The following PLEKHG1 variants were observed in gnomAD, a reference collection of about 807,000 sequenced individuals.
PLEKHG1 encodes pleckstrin homology and RhoGEF domain containing G1.
Under a neutral mutation model 100.8 loss-of-function variants are expected in PLEKHG1, and 44 were observed. The ratio of observed to expected loss-of-function variants is 0.44; its 90% CI spans 0.34 to 0.56. The LOEUF (loss-of-function observed/expected upper bound fraction) is 0.56, where lower values mean the gene tolerates loss of function less well. Among genes scored for constraint, PLEKHG1 ranks in the 20% least tolerant of loss-of-function variants. PLEKHG1 has a pLI of 0.01. For missense variants in PLEKHG1, 1,545 were observed against 1,720.9 expected (o/e 0.90, Z 1.81); for synonymous variants, 640 against 662.5 (o/e 0.97, Z 0.52).
intron 2 of PLEKHG1, among the ~76,000 whole-genome samples, chr6:150,736,027 T>G (rs1782542058): frequency 6.6e-6 from 1 of 152,156 alleles, no homozygotes; most frequent in South Asian, 2.1e-4. Flanking sequence ...TGTTTTACAC[T>G]AGGGGTTGGT....
intron 3 of PLEKHG1, among the ~76,000 whole-genome samples, chr6:150,774,869 T>A (rs1784883052): frequency 6.6e-6 from 1 of 151,980 alleles, no homozygotes; most frequent in Non-Finnish European, 1.5e-5. Flanking sequence ...TAAAAATTCT[T>A]TTTTAAAATT....
intron 3 of PLEKHG1, among the ~76,000 whole-genome samples, chr6:150,774,171 A>G (rs980996937): frequency 2.6e-5 from 4 of 152,096 alleles, no homozygotes; most frequent in Admixed American, 6.5e-5. Context: ...CAGTTCTTCT[A>G]CCCTTTATTA....
intron 1 of PLEKHG1, among the ~76,000 whole-genome samples, chr6:150,601,807 A>T (rs1776370325): frequency 1.3e-5 from 2 of 152,194 alleles, no homozygotes; most frequent in Admixed American, 6.5e-5. Flanking sequence ...ATCAGATGCC[A>T]GATAACTGCC....
intron 5 of PLEKHG1, among the ~76,000 whole-genome samples, chr6:150,797,766 C>T (rs557717232): frequency 3.0e-5 from 4 of 131,370 alleles, no homozygotes; most frequent in South Asian, 2.5e-4. Context: ...ACCCAGGAGG[C>T]GGAGGTTGCA....
chr6:150,629,051 G>A (rs1444404884), intron 1 of PLEKHG1, among the ~76,000 whole-genome samples: 1 of 152,214 alleles, frequency 6.6e-6, no homozygotes, highest in Non-Finnish European at 1.5e-5. Context: ...CAGCCATGGA[G>A]CCTGTTTGGG....
chr6:150,831,277 A>T lies in PLEKHG1; in HGVS notation c.2166A>T (p.Ser722=). 6.2e-7 allele frequency: 1 copy of T among 1,613,540 alleles called. No homozygotes were observed. The highest frequency in any genetic ancestry group is 8.5e-7 in the Non-Finnish European group (1 of 1,179,456). The change falls in exon 15 of 16, where the codon TCA becomes TCT. Residue 722 remains serine (S), a synonymous_variant. Coordinates refer to ENST00000358517, the Ensembl canonical transcript of PLEKHG1. This position sits in a 1 kb window ranked among gnomAD's most constrained non-coding sequence, Gnocchi z 4.1. ...ACGCACAAACAGATGGCACCCTCTCAGGTGGAGAGGCATCCAGCCAAAGCA... is the reference window on the plus strand; with the variant it reads ...ACGCACAAACAGATGGCACCCTCTCTGGTGGAGAGGCATCCAGCCAAAGCA...
chr6:150,653,810 A>G (rs1778849452), intron 3 of PLEKHG1, among the ~76,000 whole-genome samples: 1 of 152,196 alleles, frequency 6.6e-6, no homozygotes, highest in African/African-American at 2.4e-5. Flanking sequence ...GAGTCCATAG[A>G]TATGTCTGCT....
chr6:150,831,342 C>T lies in PLEKHG1; in HGVS notation c.2231C>T (p.Thr744Ile), dbSNP rs766675822. The T allele has an allele frequency of 2.5e-6, 4 of 1,614,082 alleles. No homozygotes were observed. The highest frequency in any genetic ancestry group is 2.2e-5 in the East Asian group (1 of 44,866). ...GCGGTTGAGGAGAACATCTATGACA[C>T]CATAGGGCTCCCAGATCCTCCGTCG... Residue 744 changes from threonine (T) to isoleucine (I), a missense_variant, in exon 15 of 16, where the codon ACC becomes ATC. By Grantham distance (89) the Thr-to-Ile change is moderately conservative. Transcript: ENST00000358517. The surrounding 1 kb of genome is among the most constrained non-coding windows in gnomAD (Gnocchi z 4.1).
chr6:150,816,294 A>T (rs1418708871), intron 10 of PLEKHG1, among the ~76,000 whole-genome samples: 2 of 140,346 alleles, frequency 1.4e-5, no homozygotes, highest in Non-Finnish European at 3.1e-5. Flanking sequence ...TTAATCCAGA[A>T]TGTAAGGAGG....
Position 150,738,972 on chromosome 6 carries a change from T to C in PLEKHG1, c.411+4880T>C, listed in dbSNP as rs115607853. 6.7e-3 allele frequency among the ~76,000 whole-genome samples: 1,014 copies of C among 152,270 alleles called. 14 individuals carry two copies. Among genetic ancestry groups the C allele is most frequent in the African/African-American group, 0.023 (948 of 41,542 alleles). ...TAGTTGGAAAGCAGAAAATAAGGGT[T>C]TGTTTAATGTTTAATGGGACCTTCG... is the stretch of plus-strand genomic sequence containing the variant. On this transcript the variant is annotated intron_variant, in intron 2 of 15. Transcript: ENST00000358517.
At chr6:150,750,239 C>T (rs972415534) in intron 2 of PLEKHG1, among the ~76,000 whole-genome samples, 1 of 152,100 alleles carries the variant, frequency 6.6e-6, no homozygotes, top group African/African-American at 2.4e-5. Flanking sequence ...ATTACTTAAG[C>T]GACTAAAGGC....
chr6:150,694,115 T>C (rs1160968947), intron 3 of PLEKHG1, among the ~76,000 whole-genome samples: 3 of 152,226 alleles, frequency 2.0e-5, no homozygotes, highest in African/African-American at 7.2e-5. Flanking sequence ...CCAATGAACA[T>C]GGCAGAATTT....
chr6:150,639,285 T>A (rs187535924), intron 2 of PLEKHG1, among the ~76,000 whole-genome samples: 306 of 152,330 alleles, frequency 2.0e-3, no homozygotes, highest in African/African-American at 6.6e-3. Flanking sequence ...GCATTAATTT[T>A]TAAAAATGCT....
intron 2 of PLEKHG1, among the ~76,000 whole-genome samples, chr6:150,761,187 C>T (rs1264040772): frequency 1.3e-5 from 2 of 148,342 alleles, no homozygotes; most frequent in African/African-American, 2.5e-5. Flanking sequence ...CTCACTGCAA[C>T]CTCCACCTCC....
chr6:150,781,541 T>C (rs941628059), intron 3 of PLEKHG1, among the ~76,000 whole-genome samples: 6 of 151,858 alleles, frequency 4.0e-5, no homozygotes, highest in African/African-American at 1.2e-4. Context: ...TCAGTAAGAT[T>C]AGTTTCAGCC....
chr6:150,800,674 C>T (rs1170858900), intron 5 of PLEKHG1, 45 bp from the exon 7 acceptor site: 7 of 1,582,098 alleles, frequency 4.4e-6, no homozygotes, highest in Non-Finnish European at 5.2e-6. Context: ...TGAATACCCA[C>T]ATAAAGCATT....
chr6:150,746,764 A>G (rs1783187385), intron 2 of PLEKHG1, among the ~76,000 whole-genome samples: 1 of 152,266 alleles, frequency 6.6e-6, no homozygotes, highest in East Asian at 1.9e-4. Flanking sequence ...TTCTAATGCT[A>G]AAATTTCCAC....
intron 3 of PLEKHG1, chr6:150,663,415 T>A (rs1281897681): frequency 3.9e-5 from 6 of 152,174 alleles, no homozygotes; most frequent in Non-Finnish European, 8.8e-5. Flanking sequence ...GAGCAAATGG[T>A]GCATCTTTTA....
intron 2 of PLEKHG1, among the ~76,000 whole-genome samples, chr6:150,737,737 G>C (rs952109234): frequency 1.4e-4 from 22 of 152,078 alleles, no homozygotes; most frequent in Non-Finnish European, 2.6e-4. Context: ...GAAAAGTGCT[G>C]CTCATTGACA....
Sources: gnomAD v4.1 joint callset for allele counts (sites outside exome capture counted in the v4.1 genomes callset) on GRCh38, gnomAD v4.1.1 for gene constraint, Gnocchi (gnomAD v3.1) non-coding constraint, MANE v1.5 for transcripts, NCBI Gene and HGNC (gene_info 2026-07-23, HGNC 2026-07-21) for gene names.